ANGPT2: variants seen among roughly 807,000 people sequenced by gnomAD.
ANGPT2 encodes the protein angiopoietin 2.
Under a neutral mutation model 62.9 loss-of-function variants are expected in ANGPT2, and 28 were observed. The ratio of observed to expected loss-of-function variants is 0.44; its 90% CI spans 0.33 to 0.61. ANGPT2 has a LOEUF of 0.61. ANGPT2 is among the 20% of genes least tolerant of loss of function. The probability of loss-of-function intolerance (pLI) is 0.03; values close to 1 mark genes in which losing one functional copy is unlikely to be tolerated. For missense variants in ANGPT2, 727 were observed against 594.9 expected (o/e 1.22, Z -2.31); for synonymous variants, 284 against 207.8 (o/e 1.37, Z -3.15).
intron 3 of ANGPT2, among the ~76,000 whole-genome samples, chr8:6,524,741 C>G (rs914416115): frequency 6.6e-6 from 1 of 152,134 alleles, no homozygotes; most frequent in Non-Finnish European, 1.5e-5. Flanking sequence ...TGAATGTCTC[C>G]CTTGAGGAAA....
chr8:6,540,266 C>A (rs770606263), intron 1 of ANGPT2, among the ~76,000 whole-genome samples: 12 of 152,136 alleles, frequency 7.9e-5, no homozygotes, highest in Non-Finnish European at 1.6e-4. Flanking sequence ...TACCACTACT[C>A]CAAAATTTGA....
chr8:6,528,519 C>T (rs966638605), intron 2 of ANGPT2, among the ~76,000 whole-genome samples: 3 of 152,324 alleles, frequency 2.0e-5, no homozygotes, highest in South Asian at 4.1e-4. Flanking sequence ...ATTTCTCCTT[C>T]CTGTTTTAAA....
chr8:6,520,922 T>C (rs1817213071), intron 4 of ANGPT2, among the ~76,000 whole-genome samples: 2 of 152,240 alleles, frequency 1.3e-5, no homozygotes, highest in Admixed American at 1.3e-4. Flanking sequence ...CTCATCCTTC[T>C]AATTAATGAT....
At chr8:6,552,455 C>A (rs1008773275) in intron 1 of ANGPT2, among the ~76,000 whole-genome samples, 1 of 152,106 alleles carries the variant, frequency 6.6e-6, no homozygotes, top group Non-Finnish European at 1.5e-5. Flanking sequence ...CATTATCTTT[C>A]GAGTAAACAT....
chr8:6,511,206 C>G (rs1418133071), intron 7 of ANGPT2, among the ~76,000 whole-genome samples: 1 of 151,864 alleles, frequency 6.6e-6, no homozygotes, highest in Non-Finnish European at 1.5e-5. Flanking sequence ...CTTTTGTGGC[C>G]CACTGGTTTA....
At position 6,513,830 on chromosome 8, in the gene ANGPT2, A is replaced by C. The variant is rs2129567617; in HGVS notation, c.1044T>G (p.Pro348=). Residue 348 remains proline (P), a synonymous_variant, in exon 7 of 9, where the codon CCT becomes CCG. Transcript: ENST00000629816. ...WKEYKVGFGN[P]SGEYWLGNEF... ...CATTTCCCAGCCAATATTCTCCTGAAGGGTTACCAAATCCCTGTAATGCAA... is the reference window on the plus strand; with the variant it reads ...CATTTCCCAGCCAATATTCTCCTGACGGGTTACCAAATCCCTGTAATGCAA... 1 of 1,607,052 alleles carries C rather than the reference A, an allele frequency of 6.2e-7. No homozygotes were observed. The highest frequency in any genetic ancestry group is 2.2e-5 in the East Asian group (1 of 44,802).
In ANGPT2 at chr8:6,509,032, G is replaced by A. The variant is rs61733315; in HGVS notation, c.1227C>T (p.Ala409=). Residue 409 remains alanine (A), a synonymous_variant, in exon 8 of 9, where the codon GCC becomes GCT. Coordinates refer to ENST00000629816, the MANE Select transcript of ANGPT2 (RefSeq NM_001118887.2). Reference sequence around the variant, plus strand: ...GTTGGCTGATGCTGCTTATTTTGCCGGCTGTCCCTGTAAGTCCTTTAAGGT... The same window carrying A: ...GTTGGCTGATGCTGCTTATTTTGCCAGCTGTCCCTGTAAGTCCTTTAAGGT... ...RIHLKGLTGT[A]GKISSISQPG... 1.1e-5 allele frequency: 18 copies of A among 1,613,888 alleles called. 1 individual carries two copies. Among genetic ancestry groups the A allele is most frequent in the Admixed American group, 5.0e-5 (3 of 59,996 alleles).
At position 6,502,957 on chromosome 8, in the gene ANGPT2, A is replaced by T; in HGVS notation, c.*144T>A. On this transcript the variant is annotated 3_prime_UTR_variant, in exon 9 of 9. Coordinates refer to ENST00000629816, the MANE Select transcript of ANGPT2 (RefSeq NM_001118887.2). The stretch of plus-strand genomic sequence containing the variant: ...TTAAGTGATAAAGTTTACAGGCTCT[A>T]ATCTGGAGCATGTGGGTCCCGTCAG... 1.1e-6 allele frequency: 1 copy of T among 893,844 alleles called. No individual in the cohort carries two copies. The highest frequency in any genetic ancestry group is 2.6e-5 in the East Asian group (1 of 38,446). 55.4% of individuals were successfully genotyped at this position (893,844 alleles called of 1,614,324 possible).
At chr8:6,527,361 G>A (rs1046181826) in intron 3 of ANGPT2, among the ~76,000 whole-genome samples, 194 bp downstream of exon 3, 1 of 152,234 alleles carries the variant, frequency 6.6e-6, no homozygotes, top group Non-Finnish European at 1.5e-5. Context: ...GTAAAATCCA[G>A]GACTGTGTTA....
chr8:6,532,043 A>G (rs1419461283), intron 2 of ANGPT2, among the ~76,000 whole-genome samples: 1 of 152,210 alleles, frequency 6.6e-6, no homozygotes, highest in Non-Finnish European at 1.5e-5. Flanking sequence ...AGGGAGACAG[A>G]GGGGGTATTC....
intron 1 of ANGPT2, among the ~76,000 whole-genome samples, chr8:6,556,452 C>T (rs1170229676): frequency 1.3e-5 from 2 of 152,092 alleles, no homozygotes; most frequent in Middle Eastern, 3.4e-3. Flanking sequence ...AACATCATCC[C>T]CACCCCACAG....
rs1365581873 is a variant in ANGPT2, at chr8:6,505,293, A to T, written c.1328-2032T>A. On this transcript the variant is annotated intron_variant, in intron 8 of 8. Coordinates refer to ENST00000629816, the MANE Select transcript of ANGPT2 (RefSeq NM_001118887.2). Reference sequence around the variant, plus strand: ...ATATGTATACATATATATGTTATATACATATATATGTATATAACATATATA... The same window carrying T: ...ATATGTATACATATATATGTTATATTCATATATATGTATATAACATATATA... Among the ~76,000 whole-genome samples the T allele has an allele frequency of 1.2e-3, 80 of 69,534 alleles. 5 individuals are homozygous for T. Among genetic ancestry groups the T allele is most frequent in the African/African-American group, 5.5e-3 (72 of 13,166 alleles). The allele number at this position is 69,534 out of a possible 152,430, so 45.6% of individuals were successfully genotyped here.
At chr8:6,514,010 G>A (rs1400600625) in intron 6 of ANGPT2, among the ~76,000 whole-genome samples, 166 bp from the exon 7 acceptor site, 3 of 152,154 alleles carry the variant, frequency 2.0e-5, no homozygotes, top group Admixed American at 6.5e-5. Context: ...ATTTTAAATA[G>A]GTCAGTTATT....
chr8:6,550,131 G>A lies in ANGPT2; in HGVS notation c.288+12516C>T, dbSNP rs79820092. 5.9e-3 allele frequency among the ~76,000 whole-genome samples: 901 copies of A among 152,242 alleles called. 12 individuals carry two copies. The highest frequency in any genetic ancestry group is 0.059 in the East Asian group (306 of 5,172). On this transcript the variant is annotated intron_variant, in intron 1 of 8. Coordinates refer to ENST00000629816, the MANE Select transcript of ANGPT2 (RefSeq NM_001118887.2). The stretch of plus-strand genomic sequence containing the variant: ...ACATTTCAATTTTATACCAACTATC[G>A]TGCCTCCTCATGAATCCCTTCCCCG...
chr8:6,553,724 C>T (rs527751149), intron 1 of ANGPT2, among the ~76,000 whole-genome samples: 10 of 151,098 alleles, frequency 6.6e-5, no homozygotes, highest in South Asian at 4.2e-4. Flanking sequence ...TTGGGGCCTA[C>T]GAGGCCCCTC....
intron 5 of ANGPT2, among the ~76,000 whole-genome samples, chr8:6,515,062 C>T (rs1815987019): frequency 6.6e-6 from 1 of 151,758 alleles, no homozygotes; most frequent in Admixed American, 6.6e-5. Context: ...AAAGACCCCA[C>T]CCTGATGGCT....
intron 2 of ANGPT2, among the ~76,000 whole-genome samples, chr8:6,531,486 T>G (rs1819503603): frequency 6.6e-6 from 1 of 152,094 alleles, no homozygotes; most frequent in Non-Finnish European, 1.5e-5. Flanking sequence ...GAGACGGGTT[T>G]TCGCCATGTT....
At chr8:6,533,797 C>T (rs1819989928) in intron 1 of ANGPT2, among the ~76,000 whole-genome samples, 6 of 152,082 alleles carry the variant, frequency 3.9e-5, no homozygotes, top group Admixed American at 3.3e-4. Context: ...TTCGTGGAGT[C>T]AGTCATCAGA....
rs1200504034 is a variant in ANGPT2 at position 6,500,151 on chromosome 8, G to T, written c.*2950C>A. The T allele has an allele frequency of 1.1e-5, 6 of 537,066 alleles. No homozygotes were observed. Among genetic ancestry groups the T allele is most frequent in the Non-Finnish European group, 2.0e-5 (6 of 299,006 alleles). 33.3% of individuals were successfully genotyped at this position (537,066 alleles called of 1,614,324 possible). The stretch of plus-strand genomic sequence containing the variant: ...AAAGTAGTGAGGAATGCAGTCCAAA[G>T]AAAATTTGACGATTAACATCCTCAG... On this transcript the variant is annotated 3_prime_UTR_variant, in exon 9 of 9. Transcript: ENST00000629816.
Sources: allele counts gnomAD v4.1 joint callset (sites outside exome capture counted in the v4.1 genomes callset), GRCh38; gene constraint gnomAD v4.1.1; transcripts MANE v1.5; gene names NCBI Gene and HGNC (gene_info 2026-07-23, HGNC 2026-07-21).